Variants in DACH1 observed in about 807,000 individuals in gnomAD.
DACH1 encodes the protein dachshund family transcription factor 1.
Under a neutral mutation model 54.2 loss-of-function variants are expected in DACH1, and 12 were observed. The ratio of observed to expected loss-of-function variants is 0.22; its 90% CI spans 0.14 to 0.36. The LOEUF is 0.36. Ranked by LOEUF, DACH1 falls within the 10% of genes least tolerant of loss-of-function variation. DACH1 has a pLI of 1.00. For missense variants in DACH1, 805 were observed against 929.8 expected, an observed-to-expected ratio of 0.87 and a Z score of 1.75; for synonymous variants, 386 against 366.2, an observed-to-expected ratio of 1.05 and a Z score of -0.62.
intron 1 of DACH1, among the ~76,000 whole-genome samples, chr13:71,718,070 A>C (rs916866478): frequency 2.0e-5 from 3 of 152,052 alleles, no homozygotes; most frequent in African/African-American, 7.2e-5. Context: ...AGAAAAGAAC[A>C]ACCACAGGGT....
chr13:71,788,436 C>T (rs934109473), intron 1 of DACH1, among the ~76,000 whole-genome samples: 1 of 151,806 alleles, frequency 6.6e-6, no homozygotes, highest in African/African-American at 2.4e-5. Flanking sequence ...TGTGTATGTC[C>T]ATATATATAC....
rs1036212766 is a variant in DACH1 at position 71,439,274 on chromosome 13, A to G, written c.*1381T>C. ...GTGTAATTCCAGATATGCAAAAAAC[A>G]AAGAGAAGGTAACTTTAGCATGTAA... On this transcript the variant is annotated 3_prime_UTR_variant, in exon 11 of 11. Coordinates refer to ENST00000613252, the MANE Select transcript of DACH1 (RefSeq NM_080759.6). 2.6e-5 allele frequency: 4 copies of G among 152,458 alleles called. No homozygotes were observed. The highest frequency in any genetic ancestry group is 9.6e-5 in the African/African-American group (4 of 41,454). 9.4% of individuals were successfully genotyped at this position (152,458 alleles called of 1,614,324 possible). A position where few individuals can be genotyped will look rare whatever the true frequency, so the allele number is the denominator to read the frequency against.
In DACH1 at chr13:71,827,594, C is replaced by A. The variant is rs187852186; in HGVS notation, c.848+38328G>T. ...GAGGACTACATCAAAAGATTGTCAA[C>A]GTACTACAGAAGAATAAGGTCATTG... On this transcript the variant is annotated intron_variant, in intron 1 of 10. Transcript: ENST00000613252. 1.1e-4 allele frequency among the ~76,000 whole-genome samples: 16 copies of A among 152,108 alleles called. No homozygotes were observed. The East Asian group carries it at 2.5e-3, about 24-fold the overall frequency.
At chr13:71,629,938 G>A (rs898351395) in intron 3 of DACH1, among the ~76,000 whole-genome samples, 1 of 152,002 alleles carries the variant, frequency 6.6e-6, no homozygotes, top group Middle Eastern at 3.2e-3. Flanking sequence ...ATGGATAGTT[G>A]GCACAGGTAA....
intron 10 of DACH1, among the ~76,000 whole-genome samples, chr13:71,458,052 A>T (rs761671114): frequency 4.6e-5 from 7 of 151,908 alleles, no homozygotes; most frequent in Non-Finnish European, 8.8e-5. Flanking sequence ...TTCTTACTCT[A>T]TTCCTTATGA....
At chr13:71,476,846 A>C (rs1200095692) in intron 8 of DACH1, among the ~76,000 whole-genome samples, 1 of 151,458 alleles carries the variant, frequency 6.6e-6, no homozygotes, top group Non-Finnish European at 1.5e-5. Context: ...TTTTTCTTTA[A>C]AATTATCTTT....
intron 1 of DACH1, among the ~76,000 whole-genome samples, chr13:71,722,852 A>G (rs1165053353): frequency 1.3e-5 from 2 of 152,060 alleles, no homozygotes; most frequent in Non-Finnish European, 2.9e-5. Context: ...CTCATAAACT[A>G]CGATGGAGCT....
chr13:71,592,590 T>C (rs1016877637), intron 3 of DACH1, among the ~76,000 whole-genome samples: 5 of 150,488 alleles, frequency 3.3e-5, no homozygotes, highest in African/African-American at 9.8e-5. Flanking sequence ...ATAATAATTA[T>C]AGAAAGGAAA....
chr13:71,676,849 T>C (rs1880605267), intron 2 of DACH1, among the ~76,000 whole-genome samples: 1 of 152,176 alleles, frequency 6.6e-6, no homozygotes, highest in Admixed American at 6.5e-5. Flanking sequence ...AATTGCTTTC[T>C]TTACCTGAAT....
At chr13:71,452,511 A>T (rs1163792945) in intron 10 of DACH1, among the ~76,000 whole-genome samples, 4 of 152,184 alleles carry the variant, frequency 2.6e-5, no homozygotes, top group Non-Finnish European at 5.9e-5. Context: ...TCAGATATTT[A>T]TTAATAACTA....
intron 4 of DACH1, among the ~76,000 whole-genome samples, chr13:71,568,924 C>T (rs1419710402): frequency 6.6e-6 from 1 of 151,846 alleles, no homozygotes. Flanking sequence ...TGCATATATC[C>T]ACACAACTAG....
intron 6 of DACH1, among the ~76,000 whole-genome samples, chr13:71,517,232 T>G (rs1362007675): frequency 6.6e-6 from 1 of 151,856 alleles, no homozygotes; most frequent in African/African-American, 2.4e-5. Flanking sequence ...CAAAACACTG[T>G]TATCAAATGG....
intron 2 of DACH1, among the ~76,000 whole-genome samples, chr13:71,681,237 G>C (rs1488739676): frequency 1.3e-5 from 2 of 152,100 alleles, no homozygotes; most frequent in Non-Finnish European, 2.9e-5. Context: ...ATGGTATGGA[G>C]CTTATGAAGT....
chr13:71,580,623 T>C (rs1163069388), intron 3 of DACH1, among the ~76,000 whole-genome samples: 2 of 152,220 alleles, frequency 1.3e-5, no homozygotes, highest in Admixed American at 6.5e-5. Context: ...CCAAAAAGCA[T>C]AAAACCTTCA....
At chr13:71,764,043 T>C (rs1885515607) in intron 1 of DACH1, among the ~76,000 whole-genome samples, 1 of 152,146 alleles carries the variant, frequency 6.6e-6, no homozygotes, top group Non-Finnish European at 1.5e-5. Context: ...AATATCAGGG[T>C]TTATGACACT....
rs757100283 is a variant in DACH1 at position 71,557,168 on chromosome 13, C to G, written c.1436-10G>C. The G allele has an allele frequency of 7.6e-6, 12 of 1,587,922 alleles. No individual in the cohort carries two copies. In the South Asian group the frequency reaches 1.2e-4, roughly 15 times the overall value. The stretch of plus-strand genomic sequence containing the variant: ...CCATTCTGATGGACCGCTATTATGG[C>G]CCAAAAGAAAACAAACAAAACAAAA... On this transcript the variant is annotated splice_polypyrimidine_tract_variant and intron_variant, in intron 5 of 10. Transcript: ENST00000613252.
intron 2 of DACH1, among the ~76,000 whole-genome samples, chr13:71,676,005 A>C (rs1311645857): frequency 6.6e-6 from 1 of 152,228 alleles, no homozygotes; most frequent in Admixed American, 6.5e-5. Context: ...AAAAAAATAC[A>C]AACATTGTAT....
chr13:71,716,705 G>C (rs999963565), intron 1 of DACH1, among the ~76,000 whole-genome samples: 1 of 152,074 alleles, frequency 6.6e-6, no homozygotes, highest in Admixed American at 6.6e-5. Context: ...TTTAAATGCA[G>C]CAACTATGTT....
intron 1 of DACH1, among the ~76,000 whole-genome samples, chr13:71,844,617 G>A (rs1329821505): frequency 6.6e-6 from 1 of 151,978 alleles, no homozygotes; most frequent in South Asian, 2.1e-4. Flanking sequence ...ACATTGATGA[G>A]ACACTAAACA....
Sources: gnomAD v4.1 joint callset for allele counts (sites outside exome capture counted in the v4.1 genomes callset) on GRCh38, gnomAD v4.1.1 for gene constraint, MANE v1.5 for transcripts, NCBI Gene and HGNC (gene_info 2026-07-23, HGNC 2026-07-21) for gene names.